The following PLD5 variants were observed in gnomAD, a reference collection of about 807,000 sequenced individuals.
The protein encoded by PLD5 is inactive phospholipase D5.
PLD5 carries 36 observed loss-of-function variants against 61.1 expected under a neutral mutation model. The observed-to-expected ratio is 0.59, with a 90% confidence interval of 0.45 to 0.78. The LOEUF is 0.78. Among genes scored for constraint, PLD5 ranks in the 30% least tolerant of loss-of-function variants. The pLI, the probability that PLD5 is intolerant of heterozygous loss-of-function variation, is 0.00. For synonymous variants in PLD5, 243 were observed against 242.8 expected (o/e 1.00, Z -0.01); for missense variants, 515 against 644.4 (o/e 0.80, Z 2.17).
chr1:242,495,351 TTTTG>T (rs1252324939), intron 1 of PLD5, among the ~76,000 whole-genome samples: 6 of 152,030 alleles, frequency 3.9e-5, no homozygotes, highest in African/African-American at 9.7e-5. Context: ...GTCCATTGAT[TTTTG>T]TTTGTTTGTT....
At chr1:242,449,394 A>G (rs1666689680) in intron 1 of PLD5, 4 of 1,535,980 alleles carry the variant, frequency 2.6e-6, no homozygotes, top group Admixed American at 3.9e-5. Flanking sequence ...GGAGTCCAGC[A>G]GCCAGGAGCT....
chr1:242,407,254 C>G (rs902434304), intron 1 of PLD5, among the ~76,000 whole-genome samples: 1 of 146,470 alleles, frequency 6.8e-6, no homozygotes, highest in Non-Finnish European at 1.5e-5. Context: ...GATGGTGAGG[C>G]CTCCCCTCAG....
intron 1 of PLD5, among the ~76,000 whole-genome samples, chr1:242,420,083 A>G (rs181264515): frequency 5.3e-5 from 8 of 152,276 alleles, no homozygotes; most frequent in Admixed American, 5.2e-4. Flanking sequence ...GAGCACTTCT[A>G]TCTCAATTGC....
chr1:242,466,177 A>G (rs1022179456), intron 1 of PLD5, among the ~76,000 whole-genome samples: 1 of 152,224 alleles, frequency 6.6e-6, no homozygotes, highest in African/African-American at 2.4e-5. Context: ...AATATAACAT[A>G]TAATTGCAAA....
At chr1:242,209,144 G>A (rs897344457) in intron 5 of PLD5, 9 of 152,062 alleles carry the variant, frequency 5.9e-5, no homozygotes, top group African/African-American at 1.9e-4. Context: ...CTTTTCTTTC[G>A]GCTTCACACG....
chr1:242,142,521 C>T (rs2148793683), intron 5 of PLD5, among the ~76,000 whole-genome samples: 1 of 152,298 alleles, frequency 6.6e-6, no homozygotes, highest in Non-Finnish European at 1.5e-5. Context: ...TATATCAGCA[C>T]ATATACTTTA....
At chr1:242,095,469 T>G (rs1456956233) in intron 9 of PLD5, among the ~76,000 whole-genome samples, 1 of 151,952 alleles carries the variant, frequency 6.6e-6, no homozygotes, top group East Asian at 2.0e-4. Flanking sequence ...TGACCTCAGG[T>G]GATCCACCTG....
At chr1:242,390,437 T>A (rs1035807334) in intron 1 of PLD5, among the ~76,000 whole-genome samples, 1 of 152,188 alleles carries the variant, frequency 6.6e-6, no homozygotes, top group Non-Finnish European at 1.5e-5. Flanking sequence ...ACACAGTTCT[T>A]AGATTCAACC....
chr1:242,497,468 T>A (rs1013268140), intron 1 of PLD5, among the ~76,000 whole-genome samples: 16 of 152,098 alleles, frequency 1.1e-4, no homozygotes, highest in African/African-American at 3.6e-4. Flanking sequence ...ATGGGCCACA[T>A]CCTTTGTGTG....
chr1:242,393,212 A>ATATATATATATGAGTATATATATGTG (rs1663042411), intron 1 of PLD5, among the ~76,000 whole-genome samples: 1 of 106,070 alleles, frequency 9.4e-6, no homozygotes, highest in African/African-American at 3.8e-5. Context: ...AAAAAAATAT[A>ATATATATATATGAGTATATATATGTG]TATATATATA....
chr1:242,455,144 A>G (rs1666907709), intron 1 of PLD5, among the ~76,000 whole-genome samples: 2 of 152,216 alleles, frequency 1.3e-5, no homozygotes, highest in South Asian at 4.1e-4. Flanking sequence ...AGTTTTTCAC[A>G]TACATCTATG....
intron 1 of PLD5, chr1:242,377,054 A>C: frequency 6.2e-7 from 1 of 1,611,792 alleles, no homozygotes; most frequent in Non-Finnish European, 8.5e-7. Context: ...ACACGGTGCC[A>C]TCAGGGGAGT....
At chr1:242,264,136 C>T (rs1403956209) in intron 4 of PLD5, among the ~76,000 whole-genome samples, 1 of 151,766 alleles carries the variant, frequency 6.6e-6, no homozygotes, top group East Asian at 1.9e-4. Context: ...TGTTCTCTAA[C>T]AAATTATCAG....
intron 1 of PLD5, among the ~76,000 whole-genome samples, chr1:242,375,206 G>T (rs780340411): frequency 1.3e-5 from 2 of 152,180 alleles, no homozygotes; most frequent in South Asian, 4.1e-4. Flanking sequence ...GTTTGTGTAC[G>T]GCTGCATCTG....
chr1:242,390,321 C>T (rs1472740728), intron 1 of PLD5, among the ~76,000 whole-genome samples: 1 of 152,026 alleles, frequency 6.6e-6, no homozygotes, highest in South Asian at 2.1e-4. Flanking sequence ...GGTAACCTGT[C>T]CAGATAAGGA....
At chr1:242,322,225 A>T (rs892872594) in intron 2 of PLD5, among the ~76,000 whole-genome samples, 1 of 152,042 alleles carries the variant, frequency 6.6e-6, no homozygotes, top group African/African-American at 2.4e-5. Flanking sequence ...GGTATAAATG[A>T]TCTCATCTAA....
At chr1:242,349,474 G>T (rs1660351505) in intron 1 of PLD5, among the ~76,000 whole-genome samples, 2 of 152,108 alleles carry the variant, frequency 1.3e-5, no homozygotes, top group African/African-American at 2.4e-5. Flanking sequence ...TAGATGGATG[G>T]GTTGTTTCGA....
Position 242,089,929 on chromosome 1 carries a change from G to C in PLD5, c.1536C>G (p.Ser512Arg), listed in dbSNP as rs745805988. The C allele has an allele frequency of 5.6e-6, 9 of 1,614,060 alleles. No homozygotes were observed. The highest frequency in any genetic ancestry group is 2.7e-5 in the African/African-American group (2 of 74,916). ...LQPTKQPNCS[S>R]LFKLKPLSNK... The stretch of plus-strand genomic sequence containing the variant: ...TGGAGAGGGGTTTGAGTTTGAACAG[G>C]CTTGAGCAGTTCGGCTGTTTGGTTG... Residue 512 changes from serine (S) to arginine (R), a missense_variant, in exon 10 of 10, where the codon AGC becomes AGG. Ser to Arg is a moderately radical substitution (Grantham distance 110). Around this residue, in one of 2 missense-constraint regions of PLD5, gnomAD observed 450 missense variants for 598.1 expected, o/e 0.75. Coordinates refer to ENST00000536534, the MANE Select transcript of PLD5 (RefSeq NM_001372062.1).
intron 3 of PLD5, among the ~76,000 whole-genome samples, chr1:242,273,138 C>T (rs1215811096): frequency 6.6e-6 from 1 of 151,720 alleles, no homozygotes; most frequent in Non-Finnish European, 1.5e-5. Flanking sequence ...CATGTGTTCT[C>T]ATTGTTTGAA....
Sources: allele counts gnomAD v4.1 joint callset (sites outside exome capture counted in the v4.1 genomes callset), GRCh38; gene constraint gnomAD v4.1.1; regional missense constraint gnomAD v4.1.1; transcripts MANE v1.5; gene names NCBI Gene and HGNC (gene_info 2026-07-23, HGNC 2026-07-21).